The following LRP2 variants were observed in gnomAD, a reference collection of about 807,000 sequenced individuals.
The protein encoded by LRP2 is low-density lipoprotein receptor-related protein 2.
Under a neutral mutation model 531.0 loss-of-function variants are expected in LRP2, and 172 were observed. The observed-to-expected ratio is 0.32, with a 90% CI of 0.29 to 0.37. The LOEUF (loss-of-function observed/expected upper bound fraction) is 0.37, where lower values mean the gene tolerates loss of function less well. Among genes scored for constraint, LRP2 ranks in the 10% least tolerant of loss-of-function variants. LRP2 has a pLI of 1.00. For missense variants in LRP2, 5,167 were observed against 5,868.3 expected, an observed-to-expected ratio of 0.88 and a Z score of 3.90; for synonymous variants, 1,992 against 2,027.6, an observed-to-expected ratio of 0.98 and a Z score of 0.47.
Position 169,292,307 on chromosome 2 carries a change from A to G in LRP2, c.715T>C (p.Trp239Arg). The change falls in exon 7 of 79, where the codon TGG (tryptophan) becomes CGG (arginine). Residue 239 changes from tryptophan to arginine, a missense_variant. Physicochemically the swap from Trp to Arg is moderately radical, Grantham distance 101 (BLOSUM62 -3). Transcript: ENST00000649046. ...CAGTCATCTTCTCCATCACAAACCC[A>G]GTTTTGATAAATGCATCGGCCACTG... Reference protein sequence around the residue: ...CPSGRCIYQNWVCDGEDDCKD... With the variant: ...CPSGRCIYQNRVCDGEDDCKD... 6.2e-7 allele frequency: 1 copy of G among 1,614,158 alleles called. No homozygotes were observed. Among genetic ancestry groups the G allele is most frequent in the South Asian group, 1.1e-5 (1 of 91,088 alleles).
rs1387685864 is a variant in LRP2 at position 169,181,485 on chromosome 2, G to C, written c.10132C>G (p.Leu3378Val). 1 of 1,614,108 alleles carries C rather than the reference G, an allele frequency of 6.2e-7. No homozygotes were observed. The highest frequency in any genetic ancestry group is 1.7e-5 in the Admixed American group (1 of 60,030). Residue 3378 changes from leucine (L) to valine (V), a missense_variant, in exon 52 of 79, where the codon CTA becomes GTA. Leu to Val is a conservative substitution (Grantham distance 32). Transcript: ENST00000649046. ...AGGTGGGCATCTGCCCAGTAGAGTA[G>C]ATCATTGGTGTAATCAATGGTGATG... ...NGITIDYTND[L>V]LYWADAHLGY...
intron 7 of LRP2, among the ~76,000 whole-genome samples, chr2:169,291,552 GTA>G (rs1278452192): frequency 6.6e-6 from 1 of 152,154 alleles, no homozygotes; most frequent in Non-Finnish European, 1.5e-5. Context: ...TAGGGTATGG[GTA>G]TTAGTAACTG....
At chr2:169,339,343 A>G (rs1685502452) in intron 1 of LRP2, among the ~76,000 whole-genome samples, 1 of 152,182 alleles carries the variant, frequency 6.6e-6, no homozygotes, top group African/African-American at 2.4e-5. Context: ...TTCACAAAAC[A>G]ACAACATATC....
intron 3 of LRP2, among the ~76,000 whole-genome samples, chr2:169,313,936 A>C (rs991363275): frequency 6.6e-6 from 1 of 152,214 alleles, no homozygotes; most frequent in Non-Finnish European, 1.5e-5. Flanking sequence ...TTTAGAGTCC[A>C]TAGATATCAG....
At chr2:169,221,209 AC>A (rs1688981793) in intron 33 of LRP2, among the ~76,000 whole-genome samples, 1 of 152,178 alleles carries the variant, frequency 6.6e-6, no homozygotes, top group African/African-American at 2.4e-5. Context: ...AAAGCAGCAC[AC>A]CACCCAGCAC....
chr2:169,218,435 T>C (rs1038788637), intron 34 of LRP2, among the ~76,000 whole-genome samples: 1 of 152,176 alleles, frequency 6.6e-6, no homozygotes, highest in African/African-American at 2.4e-5. Context: ...TCCCAATTTT[T>C]TTAGCCTCTC....
Position 169,168,662 on chromosome 2 carries a change from C to G in LRP2, c.11512G>C (p.Asp3838His). 1 of 1,614,054 alleles carries G rather than the reference C, an allele frequency of 6.2e-7. No homozygotes were observed. The highest frequency in any genetic ancestry group is 8.5e-7 in the Non-Finnish European group (1 of 1,179,958). ...ATAGTAGCCTGGCAGTATGCACCATCAGGAAAGCGTGTGGCTGCCATGGGG... is the reference window on the plus strand; with the variant it reads ...ATAGTAGCCTGGCAGTATGCACCATGAGGAAAGCGTGTGGCTGCCATGGGG... ...DEADCPTRFP[D>H]GAYCQATMFE... Residue 3838 changes from aspartate to histidine, a missense_variant, in exon 61 of 79, where the codon GAT becomes CAT. Transcript: ENST00000649046.
At chr2:169,165,024 C>A (rs1170006104) in intron 62 of LRP2, among the ~76,000 whole-genome samples, 1 of 152,138 alleles carries the variant, frequency 6.6e-6, no homozygotes, top group Non-Finnish European at 1.5e-5. Flanking sequence ...GCTATCTCTG[C>A]CAGTAATAAT....
chr2:169,328,854 A>G (rs1685193029), intron 1 of LRP2, among the ~76,000 whole-genome samples: 1 of 152,222 alleles, frequency 6.6e-6, no homozygotes, highest in African/African-American at 2.4e-5. Flanking sequence ...AAATGACAGC[A>G]TTTGTTCACC....
At chr2:169,314,668 C>T (rs76514916) in intron 3 of LRP2, among the ~76,000 whole-genome samples, 5,030 of 152,236 alleles carry the variant, frequency 0.033, 147 homozygotes, top group Non-Finnish European at 0.044. Flanking sequence ...AGTCAGCCTA[C>T]TTCTAACACT....
At chr2:169,139,685 G>T in intron 72 of LRP2, 75 bp from the exon 73 acceptor site, 1 of 1,227,810 alleles carries the variant, frequency 8.1e-7, no homozygotes, top group Non-Finnish European at 1.2e-6. Flanking sequence ...AGCACATCCT[G>T]AAGTAGAGAG....
In LRP2 at chr2:169,145,826, T is replaced by C. The variant is rs781277456; in HGVS notation, c.12909A>G (p.Gly4303=). The change falls in exon 70 of 79, where the codon GGA becomes GGG. Residue 4303 remains glycine (G), a synonymous_variant. Transcript: ENST00000649046. ...TCACTACCAGCGTTTTCTCTTTCTT[T>C]CCTTGCCCAAATTTATTTTGTTTCC... ...EVWKQNKFGQ[G]KKEKTLVVNP... The C allele has an allele frequency of 1.3e-5, 21 of 1,614,086 alleles. No homozygotes were observed. Among genetic ancestry groups the C allele is most frequent in the Non-Finnish European group, 1.6e-5 (19 of 1,180,038 alleles).
rs779874213 is a variant in LRP2 at position 169,225,373 on chromosome 2, G to C, written c.5475C>G (p.Asn1825Lys). The C allele has an allele frequency of 1.2e-6, 2 of 1,613,966 alleles. No individual in the cohort carries two copies. Among genetic ancestry groups the C allele is most frequent in the Non-Finnish European group, 1.7e-6 (2 of 1,179,904 alleles). The change falls in exon 33 of 79, where the codon AAC becomes AAG. Residue 1825 changes from asparagine (N) to lysine (K), a missense_variant. This residue lies in a region of LRP2 where 2,811 missense variants were observed against 3,058.0 expected (regional missense o/e 0.92). Transcript: ENST00000649046. ...TTCTTGAAATCCAATCTAAGGCCAGGTTCATAGAAGGCCCCACCATAGATA... is the reference window on the plus strand; with the variant it reads ...TTCTTGAAATCCAATCTAAGGCCAGCTTCATAGAAGGCCCCACCATAGATA... ...ASISMVGPSM[N>K]LALDWISRNL...
chr2:169,131,558 A>T (rs1019579846), intron 77 of LRP2, among the ~76,000 whole-genome samples: 1 of 152,208 alleles, frequency 6.6e-6, no homozygotes, highest in African/African-American at 2.4e-5. Context: ...AATTGGTCAT[A>T]GAATCTTAGA....
rs187148446 is a variant in LRP2 at position 169,132,765 on chromosome 2, G to A, written c.13621-84C>T. The A allele has an allele frequency of 6.1e-4, 473 of 770,204 alleles. 1 individual carries two copies. The highest frequency in any genetic ancestry group is 4.8e-3 in the East Asian group (187 of 39,096). The allele number at this position is 770,204 out of a possible 1,614,324, so 47.7% of individuals were successfully genotyped here. Reference sequence around the variant, plus strand: ...TGCTGTAAAGTTTGTACCAACTCTGGCTCTTTTTGCCATCTTGTTCTCCCA... The same window carrying A: ...TGCTGTAAAGTTTGTACCAACTCTGACTCTTTTTGCCATCTTGTTCTCCCA... On this transcript the variant is annotated intron_variant, in intron 76 of 78. Coordinates refer to ENST00000649046, the MANE Select transcript of LRP2 (RefSeq NM_004525.3).
intron 23 of LRP2, 113 bp from the exon 24 acceptor site, chr2:169,243,185 A>G (rs2105386912): frequency 1.0e-6 from 1 of 974,664 alleles, no homozygotes; most frequent in Non-Finnish European, 1.6e-6. Flanking sequence ...TATGCAGAAC[A>G]TGCAGGTTTG....
intron 10 of LRP2, among the ~76,000 whole-genome samples, chr2:169,281,678 A>C (rs1410766903): frequency 6.6e-6 from 1 of 152,108 alleles, no homozygotes; most frequent in Non-Finnish European, 1.5e-5. Flanking sequence ...AGATGGCGCC[A>C]CTGCACTCCA....
At chr2:169,256,328 A>T in intron 18 of LRP2, 92 bp from the exon 19 acceptor site, 2 of 953,930 alleles carry the variant, frequency 2.1e-6, no homozygotes, top group Admixed American at 2.2e-5. Flanking sequence ...GGGTCAGTTG[A>T]CACATTTATT....
rs1307535858 is a variant in LRP2, at chr2:169,233,658, A to ATATC, written c.4921-74_4921-71dup. On this transcript the variant is annotated intron_variant, in intron 29 of 78. Coordinates refer to ENST00000649046, the MANE Select transcript of LRP2 (RefSeq NM_004525.3). The stretch of plus-strand genomic sequence containing the variant: ...GCCAAGGTGCACTGAGTCAAAGAGG[A>ATATC]TATCTGCTCAAGAAGACGGTTTCCT... 2.3e-6 allele frequency: 3 copies of ATATC among 1,311,420 alleles called. No homozygotes were observed. In the Admixed American group the frequency reaches 5.1e-5, roughly 22 times the overall value. 81.2% of individuals were successfully genotyped at this position (1,311,420 alleles called of 1,614,324 possible). A position where few individuals can be genotyped will look rare whatever the true frequency, so the allele number is the denominator to read the frequency against.
Sources: allele counts gnomAD v4.1 joint callset (sites outside exome capture counted in the v4.1 genomes callset), GRCh38; gene constraint gnomAD v4.1.1; regional missense constraint gnomAD v4.1.1; transcripts MANE v1.5; gene names NCBI Gene and HGNC (gene_info 2026-07-23, HGNC 2026-07-21).